EXOC1: variants seen among roughly 807,000 people sequenced by gnomAD.
EXOC1 encodes the protein exocyst complex component 1, also known as SEC3-like 1.
A neutral mutation model predicts 107.7 loss-of-function variants in EXOC1; 67 were observed. That is an observed-to-expected ratio of 0.62 (90% CI 0.51 to 0.76). EXOC1 has a LOEUF of 0.76. Ranked by LOEUF, EXOC1 falls within the 30% of genes least tolerant of loss-of-function variation. The pLI, the probability that EXOC1 is intolerant of heterozygous loss-of-function variation, is 0.00. For missense variants in EXOC1, 833 were observed against 1,055.7 expected, an observed-to-expected ratio of 0.79 and a Z score of 2.92; for synonymous variants, 348 against 353.5, an observed-to-expected ratio of 0.98 and a Z score of 0.17.
At chr4:55,891,279 G>C in intron 12 of EXOC1, 36 bp from the exon 13 acceptor site, 4 of 1,343,988 alleles carry the variant, frequency 3.0e-6, no homozygotes, top group Non-Finnish European at 4.3e-6. Context: ...ATTTGGTGCA[G>C]TTCTTTCGTT....
At chr4:55,870,490 G>C (rs1033958665) in intron 5 of EXOC1, among the ~76,000 whole-genome samples, 188 bp from the exon 6 acceptor site, 3 of 152,206 alleles carry the variant, frequency 2.0e-5, no homozygotes, top group African/African-American at 7.2e-5. Context: ...ATGAAATACT[G>C]TGTAAAACAT....
chr4:55,895,494 A>G (rs73238390), intron 15 of EXOC1, among the ~76,000 whole-genome samples: 7,976 of 152,308 alleles, frequency 0.052, 310 homozygotes, highest in Non-Finnish European at 0.081. Flanking sequence ...ATAATATGAA[A>G]TAACTGACTA....
At position 55,858,452 on chromosome 4, in the gene EXOC1, G is replaced by A. The variant is rs1410714846; in HGVS notation, c.124+5G>A. 6.3e-7 allele frequency: 1 copy of A among 1,577,880 alleles called. No individual in the cohort carries two copies. The highest frequency in any genetic ancestry group is 8.6e-7 in the Non-Finnish European group (1 of 1,165,204). ...ACTGTTTTTTATGTGCCACAGGTGGGTATTTAGTAAGAAAGAGTACTTGTT... is the reference window on the plus strand; with the variant it reads ...ACTGTTTTTTATGTGCCACAGGTGGATATTTAGTAAGAAAGAGTACTTGTT... On this transcript the variant is annotated splice_donor_5th_base_variant and intron_variant, in intron 2 of 18. Transcript: ENST00000381295.
chr4:55,879,615 C>CT (rs1723200888), intron 9 of EXOC1, among the ~76,000 whole-genome samples: 1 of 152,154 alleles, frequency 6.6e-6, no homozygotes, highest in African/African-American at 2.4e-5. Context: ...GCCATTGTAG[C>CT]AGGAAGCCAT....
intron 3 of EXOC1, among the ~76,000 whole-genome samples, chr4:55,863,156 T>TC (rs1301660680): frequency 2.0e-5 from 3 of 152,074 alleles, no homozygotes; most frequent in African/African-American, 7.2e-5. Context: ...CACCTCGGCC[T>TC]CCCAAAGTGC....
chr4:55,861,374 T>A (rs1424511023), intron 3 of EXOC1, among the ~76,000 whole-genome samples: 1 of 152,124 alleles, frequency 6.6e-6, no homozygotes, highest in African/African-American at 2.4e-5. Flanking sequence ...ACAAATCTCA[T>A]ACATTTACTA....
At chr4:55,879,264 A>G (rs550330728) in intron 9 of EXOC1, among the ~76,000 whole-genome samples, 67 of 152,330 alleles carry the variant, frequency 4.4e-4, no homozygotes, top group African/African-American at 1.6e-3. Context: ...AGTTAATTAT[A>G]TAGTATGTTA....
intron 4 of EXOC1, among the ~76,000 whole-genome samples, chr4:55,867,630 G>C (rs1368525909): frequency 6.7e-6 from 1 of 149,508 alleles, no homozygotes; most frequent in African/African-American, 2.5e-5. Context: ...TTGGTCTTTT[G>C]TTATAAAGCA....
intron 17 of EXOC1, among the ~76,000 whole-genome samples, chr4:55,901,230 G>A (rs750380550): frequency 6.6e-6 from 1 of 152,178 alleles, no homozygotes; most frequent in South Asian, 2.1e-4. Context: ...GAAATTACTG[G>A]TGTTGGTCAA....
intron 18 of EXOC1, among the ~76,000 whole-genome samples, 156 bp downstream of exon 18, chr4:55,902,694 G>A (rs1726094953): frequency 6.6e-6 from 1 of 152,092 alleles, no homozygotes; most frequent in African/African-American, 2.4e-5. Context: ...AAGGAATACT[G>A]TTTATATAAG....
chr4:55,877,738 A>T, intron 8 of EXOC1, 179 bp from the exon 9 acceptor site: 1 of 985,144 alleles, frequency 1.0e-6, no homozygotes, highest in Non-Finnish European at 1.2e-6. Flanking sequence ...CATTTGATAT[A>T]CACAGGATAT....
intron 3 of EXOC1, among the ~76,000 whole-genome samples, chr4:55,863,624 A>C (rs1170301657): frequency 6.6e-6 from 1 of 152,110 alleles, no homozygotes; most frequent in Non-Finnish European, 1.5e-5. Context: ...AAAAATAAAG[A>C]ACTTTGAGAC....
At chr4:55,882,882 CTTTATTTAAATTTTATTTTCTGG>C (rs1324835394) in intron 9 of EXOC1, 2 of 151,918 alleles carry the variant, frequency 1.3e-5, no homozygotes, top group Admixed American at 1.3e-4. Flanking sequence ...AACTTTTCTG[CTTTATTTAAATTTTATTTTCTGG>C]TTTATTTAAA....
At chr4:55,875,443 A>T in intron 8 of EXOC1, 1 of 982,742 alleles carries the variant, frequency 1.0e-6, no homozygotes, top group South Asian at 4.7e-5. Context: ...TCAAATTTTG[A>T]CCCCAATGTA....
chr4:55,904,238 T>C, intron 18 of EXOC1, 105 bp from the exon 19 acceptor site: 1 of 1,155,158 alleles, frequency 8.7e-7, no homozygotes, highest in East Asian at 2.6e-5. Context: ...TGTTCCTAGC[T>C]ACTATACTAC....
In EXOC1 at chr4:55,893,618, A is replaced by G. The variant is rs140668488; in HGVS notation, c.1791A>G (p.Leu597=). The change falls in exon 15 of 19, where the codon CTA becomes CTG. Residue 597 remains leucine (L), a synonymous_variant. Coordinates refer to ENST00000381295, the MANE Select transcript of EXOC1 (RefSeq NM_001024924.2). ...FRCIEPELNN[L]IALGDKIDSF... ...GCATTGAGCCAGAGCTGAACAACCT[A>G]ATTGCATTAGGAGACAAAATTGATA... is the stretch of plus-strand genomic sequence containing the variant. The G allele has an allele frequency of 1.1e-3, 1,829 of 1,613,918 alleles. No individual in the cohort carries two copies. Among genetic ancestry groups the G allele is most frequent in the Non-Finnish European group, 1.5e-3 (1,740 of 1,180,008 alleles).
Position 55,893,785 on chromosome 4 carries a change from G to A in EXOC1, c.1953+5G>A. The stretch of plus-strand genomic sequence containing the variant: ...AGGAACTTTGACAAATGCATTGTAA[G>A]TTTTCTTTTTTAAAAAAATACCTTA... On this transcript the variant is annotated splice_donor_5th_base_variant and intron_variant, in intron 15 of 18. Transcript: ENST00000381295. The A allele has an allele frequency of 1.2e-6, 2 of 1,606,548 alleles. No individual in the cohort carries two copies. Among genetic ancestry groups the A allele is most frequent in the African/African-American group, 1.3e-5 (1 of 74,518 alleles).
chr4:55,880,249 G>C (rs1043290593), intron 9 of EXOC1, among the ~76,000 whole-genome samples: 1 of 151,602 alleles, frequency 6.6e-6, no homozygotes, highest in African/African-American at 2.4e-5. Context: ...AATAAGAAAA[G>C]GGATATAAAC....
intron 14 of EXOC1, 79 bp downstream of exon 14, chr4:55,892,790 A>G: frequency 7.3e-7 from 1 of 1,376,146 alleles, no homozygotes; most frequent in Non-Finnish European, 1.0e-6. Flanking sequence ...TGAGGGGTCT[A>G]GATGTTTCTC....
Sources: allele counts gnomAD v4.1 joint callset (sites outside exome capture counted in the v4.1 genomes callset), GRCh38; gene constraint gnomAD v4.1.1; transcripts MANE v1.5; gene names NCBI Gene and HGNC (gene_info 2026-07-23, HGNC 2026-07-21).